Variants in NIBAN3 observed in about 807,000 individuals in gnomAD.
NIBAN3 encodes the protein protein Niban 3.
NIBAN3 carries 66 observed loss-of-function variants against 76.4 expected under a neutral mutation model. The ratio of observed to expected loss-of-function variants is 0.86; its 90% CI spans 0.71 to 1.06. NIBAN3 has a LOEUF of 1.06. Ranked by LOEUF, NIBAN3 falls within the 50% of genes least tolerant of loss-of-function variation. NIBAN3 has a pLI of 0.00. For synonymous variants in NIBAN3, 360 were observed against 355.2 expected (o/e 1.01, Z -0.15); for missense variants, 808 against 810.7 (o/e 1.00, Z 0.04).
chr19:17,553,388 A>G lies in NIBAN3; in HGVS notation c.*1490A>G. Reference sequence around the variant, plus strand: ...ACCGACTTCCTCTGCTTGCCAGCAAAGTCATCTGCTAACTGGATATTGGCA... The same window carrying G: ...ACCGACTTCCTCTGCTTGCCAGCAAGGTCATCTGCTAACTGGATATTGGCA... On this transcript the variant is annotated 3_prime_UTR_variant, in exon 15 of 15. Coordinates refer to ENST00000599164, the MANE Select transcript of NIBAN3 (RefSeq NM_001321827.2). 1 of 1,614,104 alleles carries G rather than the reference A, an allele frequency of 6.2e-7. No individual in the cohort carries two copies. Among genetic ancestry groups the G allele is most frequent in the Non-Finnish European group, 8.5e-7 (1 of 1,180,040 alleles).
At chr19:17,539,572 G>C in intron 7 of NIBAN3, 31 bp from the exon 8 acceptor site, 1 of 1,500,238 alleles carries the variant, frequency 6.7e-7, no homozygotes, top group Non-Finnish European at 9.0e-7. Flanking sequence ...CCCGTGTCTC[G>C]GCTTTGTCCC....
At chr19:17,531,452 C>T (rs2075723206) in intron 2 of NIBAN3, among the ~76,000 whole-genome samples, 1 of 152,076 alleles carries the variant, frequency 6.6e-6, no homozygotes, top group Non-Finnish European at 1.5e-5. Context: ...GTGACAAGGA[C>T]AGATCCTGCG....
rs1025926965 is a variant in NIBAN3, at chr19:17,527,486, C to T, written c.55+91C>T. Reference sequence around the variant, plus strand: ...CATGCTCCATGCAGCAGATGGGGTTCGGTTCAGACCTAGGGCTGTCAAAAC... The same window carrying T: ...CATGCTCCATGCAGCAGATGGGGTTTGGTTCAGACCTAGGGCTGTCAAAAC... On this transcript the variant is annotated intron_variant, in intron 1 of 14. Coordinates refer to ENST00000599164, the MANE Select transcript of NIBAN3 (RefSeq NM_001321827.2). 1.6e-5 allele frequency: 21 copies of T among 1,328,814 alleles called. No homozygotes were observed. In the African/African-American group the frequency reaches 1.6e-4, roughly 10 times the overall value. The allele number at this position is 1,328,814 out of a possible 1,614,324, so 82.3% of individuals were successfully genotyped here. A position where few individuals can be genotyped will look rare whatever the true frequency, so the allele number is the denominator to read the frequency against.
chr19:17,527,469 A>C, intron 1 of NIBAN3, 74 bp downstream of exon 1: 3 of 1,416,020 alleles, frequency 2.1e-6, no homozygotes, highest in Admixed American at 2.7e-5. Flanking sequence ...CACATGCTCC[A>C]TGCAGCAGAT....
At position 17,532,334 on chromosome 19, in the gene NIBAN3, G is replaced by A. The variant is rs141997373; in HGVS notation, c.258G>A (p.Pro86=). ...QLRGHPPRWQ[P]IFCVLRGDGR... Reference sequence around the variant, plus strand: ...GGGGCCACCCACCCCGGTGGCAGCCGATCTTCTGTGTTCTGCGTGGGGACG... The same window carrying A: ...GGGGCCACCCACCCCGGTGGCAGCCAATCTTCTGTGTTCTGCGTGGGGACG... Residue 86 remains proline (P), a synonymous_variant, in exon 3 of 15, where the codon CCG becomes CCA. Coordinates refer to ENST00000599164, the MANE Select transcript of NIBAN3 (RefSeq NM_001321827.2). 1.6e-4 allele frequency: 259 copies of A among 1,614,150 alleles called. 1 individual carries two copies. In the African/African-American group the frequency reaches 2.3e-3, roughly 14 times the overall value.
chr19:17,539,815 G>C (rs1419454976), intron 8 of NIBAN3, 50 bp downstream of exon 8: 1 of 1,389,060 alleles, frequency 7.2e-7, no homozygotes, highest in African/African-American at 1.5e-5. Flanking sequence ...GCGATGCTGG[G>C]GAAAAAGGGG....
At chr19:17,543,237 G>C in intron 10 of NIBAN3, 80 bp from the exon 11 acceptor site, 1 of 900,448 alleles carries the variant, frequency 1.1e-6, no homozygotes, top group Non-Finnish European at 1.7e-6. Context: ...TGGATGCTGA[G>C]AAGGGGTCAG....
chr19:17,531,807 T>C (rs910091133), intron 2 of NIBAN3, among the ~76,000 whole-genome samples: 1 of 152,158 alleles, frequency 6.6e-6, no homozygotes, highest in Non-Finnish European at 1.5e-5. Flanking sequence ...GTGCTGGGAT[T>C]ACAAGCGTGA....
intron 1 of NIBAN3, among the ~76,000 whole-genome samples, chr19:17,528,073 G>GTT (rs368705922): frequency 0.058 from 8,631 of 147,960 alleles, 346 homozygotes; most frequent in Admixed American, 0.11. Flanking sequence ...CCCCTTTATG[G>GTT]TTTTTTTTTT....
intron 14 of NIBAN3, among the ~76,000 whole-genome samples, chr19:17,550,257 T>A (rs1568465667): frequency 6.6e-6 from 1 of 152,078 alleles, no homozygotes; most frequent in Non-Finnish European, 1.5e-5. Flanking sequence ...TGGCCATAAT[T>A]TGGGGGATAA....
In NIBAN3 at chr19:17,540,473, G is replaced by A; in HGVS notation, c.1061G>A (p.Arg354His). ...QLPRVVQTLLRTVEASLEAVR... is the reference protein window; with the variant it reads ...QLPRVVQTLLHTVEASLEAVR... Reference sequence around the variant, plus strand: ...CCCCGGGTCGTGCAGACCCTGCTGCGCACCGTGGAAGCCTCGCTCGAGGCG... The same window carrying A: ...CCCCGGGTCGTGCAGACCCTGCTGCACACCGTGGAAGCCTCGCTCGAGGCG... Residue 354 changes from arginine (R) to histidine (H), a missense_variant, in exon 9 of 15, where the codon CGC becomes CAC. Coordinates refer to ENST00000599164, the MANE Select transcript of NIBAN3 (RefSeq NM_001321827.2). 1 of 1,598,284 alleles carries A rather than the reference G, an allele frequency of 6.3e-7. No individual in the cohort carries two copies. The highest frequency in any genetic ancestry group is 2.3e-5 in the East Asian group (1 of 43,478).
Position 17,539,400 on chromosome 19 carries a change from C to T in NIBAN3, c.765C>T (p.Thr255=), listed in dbSNP as rs1443741786. 4 of 1,533,558 alleles carry T rather than the reference C, an allele frequency of 2.6e-6. No individual in the cohort carries two copies. The East Asian group carries it at 7.4e-5, about 28-fold the overall frequency. The allele number at this position is 1,533,558 out of a possible 1,614,324, so 95.0% of individuals were successfully genotyped here. Residue 255 remains threonine, a synonymous_variant, in exon 7 of 15, where the codon ACC becomes ACT. Coordinates refer to ENST00000599164, the MANE Select transcript of NIBAN3 (RefSeq NM_001321827.2). ...AACTTCCCGCGCTGCGAGCCCAGAC[C>T]CTTCCTGGCCTGCGGGGGGCAGGCC... ...REQLPALRAQ[T]LPGLRGAGRA...
chr19:17,547,350 CTTTTTTTT>C (rs1161818189), intron 13 of NIBAN3, among the ~76,000 whole-genome samples: 1 of 62,700 alleles, frequency 1.6e-5, no homozygotes, highest in Non-Finnish European at 2.6e-5. Flanking sequence ...GAGACTATGT[CTTTTTTTT>C]TTTTTTTTTT....
upstream of NIBAN3, among the ~76,000 whole-genome samples, chr19:17,524,307 A>G (rs896471252): frequency 3.3e-5 from 5 of 150,182 alleles, no homozygotes; most frequent in African/African-American, 1.2e-4. Flanking sequence ...TTTTTTTGAG[A>G]CAGAGTCTCG....
rs755178648 is a variant in NIBAN3, at chr19:17,540,423, G to A, written c.1011G>A (p.Leu337=). 5.9e-6 allele frequency: 9 copies of A among 1,527,152 alleles called. No individual in the cohort carries two copies. In the East Asian group the frequency reaches 2.2e-4, roughly 37 times the overall value. 94.6% of individuals were successfully genotyped at this position (1,527,152 alleles called of 1,614,324 possible). A position where few individuals can be genotyped will look rare whatever the true frequency, so the allele number is the denominator to read the frequency against. The change falls in exon 9 of 15, where the codon CTG becomes CTA. Residue 337 remains leucine (L), a synonymous_variant. Coordinates refer to ENST00000599164, the MANE Select transcript of NIBAN3 (RefSeq NM_001321827.2). ...TDIRGPLESC[L]RREVDPQLPR... Reference sequence around the variant, plus strand: ...TCAGGGGACCGCTCGAGTCGTGCCTGCGCCGGGAGGTGGACCCGCAGCTGC... The same window carrying A: ...TCAGGGGACCGCTCGAGTCGTGCCTACGCCGGGAGGTGGACCCGCAGCTGC...
At chr19:17,524,711 G>C (rs1346909404), upstream of NIBAN3, among the ~76,000 whole-genome samples, 1 of 152,240 alleles carries the variant, frequency 6.6e-6, no homozygotes, top group East Asian at 1.9e-4. Context: ...ACACCATTCA[G>C]GGCTGGTAGA....
chr19:17,537,307 AT>A, intron 4 of NIBAN3, 68 bp from the exon 5 acceptor site: 1 of 1,462,440 alleles, frequency 6.8e-7, no homozygotes, highest in Non-Finnish European at 9.5e-7. Context: ...GGACTGCTGT[AT>A]GCATTTCAGG....
chr19:17,543,495 CTGGACGCACCGCTGGGTG>C lies in NIBAN3; in HGVS notation c.1447-26_1447-9del, dbSNP rs2075993778. On this transcript the variant is annotated splice_polypyrimidine_tract_variant and intron_variant, in intron 11 of 14. Coordinates refer to ENST00000599164, the MANE Select transcript of NIBAN3 (RefSeq NM_001321827.2). ...GTGGGCCTGGGTGCTCAGATGGTTG[CTGGACGCACCGCTGGGTG>C]TGTTGTGCAGAAATTCAAATCGGAC... The C allele has an allele frequency of 6.2e-7, 1 of 1,612,194 alleles. No homozygotes were observed. The highest frequency in any genetic ancestry group is 1.3e-5 in the African/African-American group (1 of 74,878).
chr19:17,541,975 T>TG (rs2075961139), intron 9 of NIBAN3, among the ~76,000 whole-genome samples, 161 bp from the exon 10 acceptor site: 2 of 152,210 alleles, frequency 1.3e-5, no homozygotes, highest in Non-Finnish European at 2.9e-5. Flanking sequence ...TGAGCCACCA[T>TG]GCCTGGCCCA....
Sources: allele counts gnomAD v4.1 joint callset (sites outside exome capture counted in the v4.1 genomes callset), GRCh38; gene constraint gnomAD v4.1.1; transcripts MANE v1.5; gene names NCBI Gene and HGNC (gene_info 2026-07-23, HGNC 2026-07-21).